The following NDRG4 variants were observed in gnomAD, a reference collection of about 807,000 sequenced individuals.
NDRG4 encodes NDRG family member 4.
Under a neutral mutation model 55.8 loss-of-function variants are expected in NDRG4, and 38 were observed. The observed-to-expected ratio is 0.68, with a 90% CI of 0.53 to 0.89. The LOEUF is 0.89. NDRG4 is among the 40% of genes least tolerant of loss of function. The probability of loss-of-function intolerance (pLI) is 0.00; values close to 1 mark genes in which losing one functional copy is unlikely to be tolerated. For synonymous variants in NDRG4, 190 were observed against 182.7 expected (o/e 1.04, Z -0.32); for missense variants, 455 against 468.6 (o/e 0.97, Z 0.27).
At chr16:58,494,385 C>T (rs1280404615) in intron 2 of NDRG4, among the ~76,000 whole-genome samples, 2 of 152,172 alleles carry the variant, frequency 1.3e-5, no homozygotes, top group Non-Finnish European at 2.9e-5. Context: ...ATGTTAGTCA[C>T]GCCCACCTCC....
In NDRG4 at chr16:58,500,146, G is replaced by C; in HGVS notation, c.-103G>C. On this transcript the variant is annotated 5_prime_UTR_variant, in exon 1 of 15. Transcript: ENST00000570248. ...GGCCCAGGAGCTGTGCCCCATCACA[G>C]AGCCGACCATCTCCCACTCGAGCTG... The C allele has an allele frequency of 6.5e-7, 1 of 1,535,180 alleles. No homozygotes were observed. Among genetic ancestry groups the C allele is most frequent in the Non-Finnish European group, 8.7e-7 (1 of 1,146,510 alleles).
intron 12 of NDRG4, 28 bp downstream of exon 12, chr16:58,509,217 C>A (rs750239565): frequency 2.5e-6 from 4 of 1,613,864 alleles, no homozygotes; most frequent in Non-Finnish European, 3.4e-6. Context: ...CCTGCCCTTA[C>A]ATCTATGGGG....
chr16:58,500,558 C>T, intron 1 of NDRG4: 1 of 558,102 alleles, frequency 1.8e-6, no homozygotes, highest in Non-Finnish European at 3.2e-6. Flanking sequence ...ACGTGGAAGG[C>T]ACTGTCTGAC....
chr16:58,467,749 G>A (rs1008375338), intron 1 of NDRG4, among the ~76,000 whole-genome samples: 2 of 152,160 alleles, frequency 1.3e-5, no homozygotes, highest in Non-Finnish European at 2.9e-5. Flanking sequence ...TGGGATCGTC[G>A]TGGTGCCTAC....
rs1265503050 is a variant in NDRG4, at chr16:58,505,741, A to G, written c.373-646A>G. 1.3e-4 allele frequency among the ~76,000 whole-genome samples: 8 copies of G among 61,128 alleles called. No homozygotes were observed. The South Asian group carries it at 3.3e-3, about 25-fold the overall frequency. The allele number at this position is 61,128 out of a possible 152,430, so 40.1% of individuals were successfully genotyped here. ...TTTTTTTTTTTTTTTTTTTTTTTTG[A>G]GATGGAGTCTTGCTCTGTCGTCCAG... On this transcript the variant is annotated intron_variant, in intron 5 of 14. Transcript: ENST00000570248.
chr16:58,489,847 T>C (rs899336312), intron 2 of NDRG4, among the ~76,000 whole-genome samples: 3 of 152,114 alleles, frequency 2.0e-5, no homozygotes, highest in African/African-American at 7.2e-5. Context: ...TTCTTTCTTT[T>C]TTTTTCTTTT....
intron 1 of NDRG4, among the ~76,000 whole-genome samples, chr16:58,474,028 C>T (rs1202039324): frequency 9.9e-6 from 1 of 101,170 alleles, no homozygotes; most frequent in Non-Finnish European, 1.9e-5. Context: ...TTTTCTTTCC[C>T]TTTTTTTTTT....
chr16:58,500,003 C>T, upstream of NDRG4: 1 of 1,067,696 alleles, frequency 9.4e-7, no homozygotes, highest in Non-Finnish European at 1.3e-6. Context: ...CCAATTGGAG[C>T]CAGGCTTGTC....
At chr16:58,503,355 T>C (rs933559665) in intron 1 of NDRG4, among the ~76,000 whole-genome samples, 85 of 151,586 alleles carry the variant, frequency 5.6e-4, no homozygotes, top group Non-Finnish European at 1.1e-3. Context: ...TGGCACGGGG[T>C]GTTTTCTGAG....
intron 1 of NDRG4, among the ~76,000 whole-genome samples, chr16:58,485,032 C>A (rs887613809): frequency 6.6e-6 from 1 of 151,974 alleles, no homozygotes; most frequent in Admixed American, 6.6e-5. Context: ...CAGGCACCCA[C>A]CACCATGCCC....
chr16:58,508,869 C>T, intron 10 of NDRG4, 93 bp from the exon 11 acceptor site: 3 of 1,425,918 alleles, frequency 2.1e-6, no homozygotes, highest in Non-Finnish European at 2.9e-6. Context: ...CCTGCACCCC[C>T]TCTCCTCCCC....
Position 58,471,345 on chromosome 16 carries a change from G to T in NDRG4, c.-24+7548G>T, listed in dbSNP as rs545169998. 5.9e-5 allele frequency among the ~76,000 whole-genome samples: 9 copies of T among 152,134 alleles called. 1 individual carries two copies. In the South Asian group the frequency reaches 1.9e-3, roughly 32 times the overall value. The stretch of plus-strand genomic sequence containing the variant: ...AGCCACAGGAAACCAGCAGGGGTGT[G>T]TGCAGATCACACTCAGGCCTCGGCC... On this transcript the variant is annotated intron_variant, in intron 1 of 15. Coordinates refer to the NDRG4 transcript ENST00000258187.
intron 5 of NDRG4, 68 bp downstream of exon 5, chr16:58,504,717 C>A: frequency 6.4e-7 from 1 of 1,565,590 alleles, no homozygotes; most frequent in Non-Finnish European, 8.8e-7. Flanking sequence ...GTGGTGGGGA[C>A]TGGGGGGAAC....
intron 13 of NDRG4, 52 bp downstream of exon 13, chr16:58,509,404 A>G (rs1567356424): frequency 1.3e-6 from 2 of 1,590,022 alleles, no homozygotes; most frequent in Non-Finnish European, 1.7e-6. Flanking sequence ...GTGGGCAGGC[A>G]GTGCTGGGGT....
intron 10 of NDRG4, 104 bp downstream of exon 10, chr16:58,508,103 C>G (rs1386684088): frequency 3.7e-6 from 4 of 1,088,226 alleles, no homozygotes; most frequent in Middle Eastern, 2.6e-4. Flanking sequence ...AGGGGAGCCT[C>G]CAGGGCCAGC....
chr16:58,489,377 C>G (rs2035505490), intron 2 of NDRG4, among the ~76,000 whole-genome samples: 1 of 151,960 alleles, frequency 6.6e-6, no homozygotes, highest in Non-Finnish European at 1.5e-5. Context: ...CACCAGCTCC[C>G]CCGCCTGTTC....
chr16:58,469,021 T>C (rs2032283311), intron 1 of NDRG4, among the ~76,000 whole-genome samples: 1 of 152,226 alleles, frequency 6.6e-6, no homozygotes, highest in South Asian at 2.1e-4. Flanking sequence ...GTAGTGGATC[T>C]TGGAAATTTT....
At chr16:58,474,290 G>A (rs1230418488) in intron 1 of NDRG4, among the ~76,000 whole-genome samples, 2 of 152,078 alleles carry the variant, frequency 1.3e-5, no homozygotes, top group Non-Finnish European at 2.9e-5. Flanking sequence ...CCGTGCACCT[G>A]CCTTAGCCTC....
In NDRG4 at chr16:58,464,391, C is replaced by T. The variant is rs2031154232; in HGVS notation, c.-24+594C>T. On this transcript the variant is annotated intron_variant, in intron 1 of 15. Coordinates refer to the NDRG4 transcript ENST00000258187. This position sits in a 1 kb window ranked among gnomAD's most constrained non-coding sequence, Gnocchi z 4.8. ...CCCGGCTCGGCCGAGCGCGCTGCCC[C>T]GACGCCGCCACCCAGAGCCGGGCCG... The T allele has an allele frequency of 7.3e-7, 1 of 1,369,834 alleles. No individual in the cohort carries two copies. The highest frequency in any genetic ancestry group is 9.4e-7 in the Non-Finnish European group (1 of 1,065,422). The allele number at this position is 1,369,834 out of a possible 1,614,324, so 84.9% of individuals were successfully genotyped here. A position where few individuals can be genotyped will look rare whatever the true frequency, so the allele number is the denominator to read the frequency against.
Sources: allele counts gnomAD v4.1 joint callset (sites outside exome capture counted in the v4.1 genomes callset), GRCh38; gene constraint gnomAD v4.1.1; non-coding constraint Gnocchi (gnomAD v3.1); transcripts MANE v1.5; gene names NCBI Gene and HGNC (gene_info 2026-07-23, HGNC 2026-07-21).